The following OLFM2 variants were observed in gnomAD, a reference collection of about 807,000 sequenced individuals.
OLFM2 encodes the protein olfactomedin 2, also known as noelin-2.
A neutral mutation model predicts 43.9 loss-of-function variants in OLFM2; 20 were observed. The observed-to-expected ratio is 0.46, with a 90% CI of 0.32 to 0.66. OLFM2 has a LOEUF of 0.66. Among genes scored for constraint, OLFM2 ranks in the 30% least tolerant of loss-of-function variants. The pLI is 0.04. For missense variants in OLFM2, 416 were observed against 643.6 expected, an observed-to-expected ratio of 0.65 and a Z score of 3.83; for synonymous variants, 268 against 278.6, an observed-to-expected ratio of 0.96 and a Z score of 0.38.
chr19:9,872,811 C>G (rs911129309), intron 1 of OLFM2, among the ~76,000 whole-genome samples: 1 of 152,056 alleles, frequency 6.6e-6, no homozygotes, highest in Non-Finnish European at 1.5e-5. Flanking sequence ...TTCATTCATC[C>G]ATTCACTCGT....
chr19:9,894,657 C>T lies in OLFM2; in HGVS notation c.64-33863G>A, dbSNP rs1189447706. ...CCAGGAGGCAGAGGTTGCAGTGAGCCGAGATTGCACCATTGCACTCCAGCC... is the reference window on the plus strand; with the variant it reads ...CCAGGAGGCAGAGGTTGCAGTGAGCTGAGATTGCACCATTGCACTCCAGCC... On this transcript the variant is annotated intron_variant, in intron 1 of 5. Coordinates refer to ENST00000264833, the MANE Select transcript of OLFM2 (RefSeq NM_058164.4). 3.3e-5 allele frequency among the ~76,000 whole-genome samples: 5 copies of T among 151,746 alleles called. No individual in the cohort carries two copies. In the East Asian group the frequency reaches 5.8e-4, roughly 18 times the overall value.
At chr19:9,904,152 T>TTG (rs56281493) in intron 1 of OLFM2, among the ~76,000 whole-genome samples, 20,023 of 126,864 alleles carry the variant, frequency 0.16, 1,528 homozygotes, top group Middle Eastern at 0.22. Context: ...TGAGTATTGT[T>TTG]TGTGTGTGTG....
intron 1 of OLFM2, among the ~76,000 whole-genome samples, chr19:9,915,328 T>C (rs370620291): frequency 2.8e-4 from 42 of 151,310 alleles, no homozygotes; most frequent in East Asian, 1.4e-3. Context: ...CCTCCCACCT[T>C]GGCCTCCCAA....
chr19:9,915,086 CA>C (rs983294060), intron 1 of OLFM2, among the ~76,000 whole-genome samples: 55 of 152,268 alleles, frequency 3.6e-4, no homozygotes, highest in African/African-American at 1.3e-3. Flanking sequence ...TCCCCATCTG[CA>C]AAGTGGGTGG....
intron 1 of OLFM2, among the ~76,000 whole-genome samples, chr19:9,870,594 C>G (rs927352949): frequency 6.6e-6 from 1 of 152,194 alleles, no homozygotes; most frequent in Admixed American, 6.6e-5. Context: ...CTTTCCCTTC[C>G]CAGGTCACAG....
chr19:9,925,400 T>A (rs2086446761), intron 1 of OLFM2, among the ~76,000 whole-genome samples: 1 of 152,156 alleles, frequency 6.6e-6, no homozygotes, highest in African/African-American at 2.4e-5. Context: ...GCAGTCGCCG[T>A]AGAAAACATT....
chr19:9,853,995 A>G lies in OLFM2; in HGVS notation c.*191T>C. 1.7e-6 allele frequency: 1 copy of G among 603,392 alleles called. No individual in the cohort carries two copies. Among genetic ancestry groups the G allele is most frequent in the Non-Finnish European group, 2.9e-6 (1 of 340,326 alleles). The allele number at this position is 603,392 out of a possible 1,614,324, so 37.4% of individuals were successfully genotyped here. ...AAGTGGTGTATTAAAAGCAGAGATC[A>G]ATAAAGGAGAAGAGGGGAAATTGAA... On this transcript the variant is annotated 3_prime_UTR_variant, in exon 6 of 6. Transcript: ENST00000264833.
At chr19:9,915,238 TC>T (rs1296829806) in intron 1 of OLFM2, among the ~76,000 whole-genome samples, 3 of 113,896 alleles carry the variant, frequency 2.6e-5, no homozygotes, top group East Asian at 3.3e-4. Context: ...CTTTTCTCTC[TC>T]TTTTTTTTTT....
chr19:9,912,064 G>A (rs924913983), intron 1 of OLFM2, among the ~76,000 whole-genome samples: 1 of 151,938 alleles, frequency 6.6e-6, no homozygotes, highest in Non-Finnish European at 1.5e-5. Context: ...AGGCACATCG[G>A]ACCCCATGCC....
At chr19:9,898,514 C>T (rs1053372270) in intron 1 of OLFM2, among the ~76,000 whole-genome samples, 8 of 150,492 alleles carry the variant, frequency 5.3e-5, no homozygotes, top group Non-Finnish European at 1.0e-4. Context: ...AATGAGACTC[C>T]GTCTCAAAAA....
chr19:9,868,695 C>A (rs961931341), intron 1 of OLFM2, among the ~76,000 whole-genome samples: 2 of 152,122 alleles, frequency 1.3e-5, no homozygotes, highest in African/African-American at 4.8e-5. Context: ...AATCCCAACA[C>A]TTTGGGAAGC....
Position 9,860,683 on chromosome 19 carries a change from C to G in OLFM2, c.175G>C (p.Asp59His), listed in dbSNP as rs1294526115. The change falls in exon 2 of 6, where the codon GAT becomes CAT. Residue 59 changes from aspartate to histidine, a missense_variant. Physicochemically the swap from Asp to His is moderately conservative, Grantham distance 81. Transcript: ENST00000264833. ...TGCCGCAGCTCCCGACTCCTGCCATCTCGAGAGCAGGTACTCTGCGCTGGG... is the reference window on the plus strand; with the variant it reads ...TGCCGCAGCTCCCGACTCCTGCCATGTCGAGAGCAGGTACTCTGCGCTGGG... ...VIPAQSTCSRDGRSRELRQLM... is the reference protein window; with the variant it reads ...VIPAQSTCSRHGRSRELRQLM... 8 of 1,599,230 alleles carry G rather than the reference C, an allele frequency of 5.0e-6. No homozygotes were observed. The highest frequency in any genetic ancestry group is 6.8e-6 in the Non-Finnish European group (8 of 1,172,682).
chr19:9,904,951 C>T (rs1462766197), intron 1 of OLFM2, among the ~76,000 whole-genome samples: 1 of 151,594 alleles, frequency 6.6e-6, no homozygotes, highest in African/African-American at 2.4e-5. Flanking sequence ...CACAGGACGT[C>T]GAGGCTGCAG....
rs1046755749 is a variant in OLFM2 at position 9,856,991 on chromosome 19, G to C, written c.581-78C>G. 5 of 1,218,582 alleles carry C rather than the reference G, an allele frequency of 4.1e-6. No individual in the cohort carries two copies. The highest frequency in any genetic ancestry group is 1.5e-5 in the African/African-American group (1 of 66,720). The allele number at this position is 1,218,582 out of a possible 1,614,324, so 75.5% of individuals were successfully genotyped here. On this transcript the variant is annotated intron_variant, in intron 4 of 5. Coordinates refer to ENST00000264833, the MANE Select transcript of OLFM2 (RefSeq NM_058164.4). This position sits in a 1 kb window ranked among gnomAD's most constrained non-coding sequence, Gnocchi z 4.0. Reference sequence around the variant, plus strand: ...AGGCCAGGCAAAGATGAAGTGCTGTGATCAAGTTGGGAAAGCTGGGACCAG... The same window carrying C: ...AGGCCAGGCAAAGATGAAGTGCTGTCATCAAGTTGGGAAAGCTGGGACCAG...
intron 1 of OLFM2, among the ~76,000 whole-genome samples, chr19:9,884,595 G>T (rs576100409): frequency 6.6e-6 from 1 of 152,212 alleles, no homozygotes; most frequent in East Asian, 1.9e-4. Flanking sequence ...CTACAGCTAG[G>T]ACTCGCCAGT....
intron 1 of OLFM2, among the ~76,000 whole-genome samples, chr19:9,888,890 C>G (rs971891711): frequency 2.0e-5 from 3 of 151,962 alleles, no homozygotes; most frequent in African/African-American, 7.2e-5. Flanking sequence ...CACGGTGAAA[C>G]CCCGTCTCTA....
chr19:9,885,643 A>T (rs1236920614), intron 1 of OLFM2, among the ~76,000 whole-genome samples: 1 of 152,162 alleles, frequency 6.6e-6, no homozygotes, highest in African/African-American at 2.4e-5. Flanking sequence ...TGACTGATGC[A>T]GGGGTAAAAA....
intron 1 of OLFM2, among the ~76,000 whole-genome samples, chr19:9,879,781 C>CTCT (rs56914052): frequency 6.6e-6 from 1 of 151,670 alleles, no homozygotes; most frequent in Non-Finnish European, 1.5e-5. Context: ...GTCTTGAACT[C>CTCT]TTTTTTGTCT....
At chr19:9,906,725 G>A (rs896551983) in intron 1 of OLFM2, among the ~76,000 whole-genome samples, 21 of 152,196 alleles carry the variant, frequency 1.4e-4, no homozygotes, top group African/African-American at 4.8e-4. Flanking sequence ...ATGGACGTGC[G>A]GCTGGGCAGA....
Sources: allele counts gnomAD v4.1 joint callset (sites outside exome capture counted in the v4.1 genomes callset), GRCh38; gene constraint gnomAD v4.1.1; non-coding constraint Gnocchi (gnomAD v3.1); transcripts MANE v1.5; gene names NCBI Gene and HGNC (gene_info 2026-07-23, HGNC 2026-07-21).